Variants in GALNT13 observed in about 807,000 individuals in gnomAD.
The protein encoded by GALNT13 is UDP-GalNAc:polypeptide N-acetylgalactosaminyltransferase 13.
Under a neutral mutation model 64.2 loss-of-function variants are expected in GALNT13, and 28 were observed. That is an observed-to-expected ratio of 0.44 (90% CI 0.32 to 0.60). GALNT13 has a LOEUF of 0.60. Among genes scored for constraint, GALNT13 ranks in the 20% least tolerant of loss-of-function variants. GALNT13 has a pLI of 0.05. For synonymous variants in GALNT13, 214 were observed against 224.6 expected, an observed-to-expected ratio of 0.95 and a Z score of 0.42; for missense variants, 577 against 669.8, an observed-to-expected ratio of 0.86 and a Z score of 1.53.
chr2:153,996,289 A>T (rs1574291445), intron 3 of GALNT13, among the ~76,000 whole-genome samples: 1 of 152,224 alleles, frequency 6.6e-6, no homozygotes, highest in East Asian at 1.9e-4. Flanking sequence ...TTTATATTCT[A>T]ACTAACAGTG....
At chr2:154,179,856 G>A (rs900448963) in intron 4 of GALNT13, among the ~76,000 whole-genome samples, 1 of 151,518 alleles carries the variant, frequency 6.6e-6, no homozygotes, top group African/African-American at 2.4e-5. Flanking sequence ...CTTAAAAGGA[G>A]TGTTTTCAGC....
At chr2:153,468,099 A>G in the GALNT13 span, among the ~76,000 whole-genome samples, 1 of 151,972 alleles carries the variant, frequency 6.6e-6, no homozygotes, top group Non-Finnish European at 1.5e-5. Flanking sequence ...TAAGAAGACA[A>G]TGCTCTTGGT....
At chr2:153,352,671 T>A in the GALNT13 span, among the ~76,000 whole-genome samples, 1 of 152,246 alleles carries the variant, frequency 6.6e-6, no homozygotes, top group East Asian at 1.9e-4. Context: ...TATATTTGCA[T>A]GTAAATGTTC....
intron 9 of GALNT13, among the ~76,000 whole-genome samples, chr2:154,384,014 T>C (rs1256722615): frequency 6.6e-6 from 1 of 151,922 alleles, no homozygotes; most frequent in Non-Finnish European, 1.5e-5. Context: ...CACCAGGTAC[T>C]GTTTTAGGAA....
At chr2:154,409,628 A>G (rs772803944) in intron 11 of GALNT13, among the ~76,000 whole-genome samples, 1 of 151,948 alleles carries the variant, frequency 6.6e-6, no homozygotes, top group African/African-American at 2.4e-5. Context: ...GGTGGGCCAC[A>G]TGGAGGCTAT....
the GALNT13 span, among the ~76,000 whole-genome samples, chr2:153,147,457 G>C: frequency 6.6e-6 from 1 of 151,682 alleles, no homozygotes; most frequent in Non-Finnish European, 1.5e-5. Flanking sequence ...CTCTAAAGGA[G>C]GCAAACAGTA....
chr2:153,837,331 C>T, the GALNT13 span, among the ~76,000 whole-genome samples: 1 of 152,070 alleles, frequency 6.6e-6, no homozygotes, highest in Non-Finnish European at 1.5e-5. Flanking sequence ...TGTTCATATC[C>T]TTTGCCCAGT....
At chr2:153,548,776 G>A in the GALNT13 span, among the ~76,000 whole-genome samples, 1 of 152,164 alleles carries the variant, frequency 6.6e-6, no homozygotes, top group Non-Finnish European at 1.5e-5. Flanking sequence ...ACTTCCAAGT[G>A]TATACCCATG....
chr2:153,196,209 G>A, the GALNT13 span, among the ~76,000 whole-genome samples: 6 of 152,006 alleles, frequency 3.9e-5, no homozygotes, highest in South Asian at 2.1e-4. Context: ...ACCTGTTTCC[G>A]CCCAGGAGCC....
At chr2:153,094,845 C>G in the GALNT13 span, among the ~76,000 whole-genome samples, 1 of 152,100 alleles carries the variant, frequency 6.6e-6, no homozygotes, top group Non-Finnish European at 1.5e-5. Flanking sequence ...ATGTAGAAAG[C>G]TGAAACTGGA....
intron 3 of GALNT13, among the ~76,000 whole-genome samples, chr2:154,012,692 G>C (rs185818512): frequency 6.6e-6 from 1 of 152,022 alleles, no homozygotes; most frequent in African/African-American, 2.4e-5. Flanking sequence ...CTCTCTTTCT[G>C]CCATGTCAGT....
At chr2:153,607,139 T>C in the GALNT13 span, among the ~76,000 whole-genome samples, 4 of 151,968 alleles carry the variant, frequency 2.6e-5, no homozygotes, top group Non-Finnish European at 5.9e-5. Flanking sequence ...GGAACCCAAA[T>C]ACCATGACTT....
At chr2:153,993,462 G>A (rs1268962881) in intron 3 of GALNT13, among the ~76,000 whole-genome samples, 3 of 151,888 alleles carry the variant, frequency 2.0e-5, no homozygotes, top group South Asian at 2.1e-4. Context: ...TTGGGAAGCC[G>A]AGGCGGGCAG....
the GALNT13 span, among the ~76,000 whole-genome samples, chr2:153,850,128 G>A: frequency 6.6e-6 from 1 of 150,940 alleles, no homozygotes; most frequent in East Asian, 1.9e-4. Context: ...GCAGTGAGCC[G>A]AGACCGCGCC....
At chr2:154,147,650 C>G (rs1683696826) in intron 4 of GALNT13, among the ~76,000 whole-genome samples, 1 of 151,780 alleles carries the variant, frequency 6.6e-6, no homozygotes, top group Non-Finnish European at 1.5e-5. Context: ...AGCCTGGCTA[C>G]TATTTTATTT....
At chr2:154,216,393 T>C (rs1279169278) in intron 4 of GALNT13, among the ~76,000 whole-genome samples, 2 of 152,138 alleles carry the variant, frequency 1.3e-5, no homozygotes, top group African/African-American at 2.4e-5. Flanking sequence ...ACTTGATTGG[T>C]TGTGAGTATT....
At chr2:153,748,393 T>A in the GALNT13 span, among the ~76,000 whole-genome samples, 1 of 152,152 alleles carries the variant, frequency 6.6e-6, no homozygotes, top group African/African-American at 2.4e-5. Context: ...ATATTCTCAC[T>A]GAAAGTGTAC....
At chr2:154,263,365 G>A (rs1690807192) in intron 8 of GALNT13, among the ~76,000 whole-genome samples, 1 of 152,264 alleles carries the variant, frequency 6.6e-6, no homozygotes, top group East Asian at 1.9e-4. Context: ...ACTCCACTCA[G>A]CACATAGTGT....
At chr2:153,792,051 C>T in the GALNT13 span, among the ~76,000 whole-genome samples, 16 of 151,826 alleles carry the variant, frequency 1.1e-4, no homozygotes, top group Non-Finnish European at 2.1e-4. Context: ...CACATGTACC[C>T]CTAAACCTAA....
Sources: allele counts gnomAD v4.1 joint callset (sites outside exome capture counted in the v4.1 genomes callset), GRCh38; gene constraint gnomAD v4.1.1; transcripts MANE v1.5; gene names NCBI Gene and HGNC (gene_info 2026-07-23, HGNC 2026-07-21).